Variants in PARD3B observed in about 807,000 individuals in gnomAD.
PARD3B encodes the protein par-3 family cell polarity regulator beta.
In PARD3B, 103 loss-of-function variants were observed where a neutral mutation model predicts 130.2. The ratio of observed to expected loss-of-function variants is 0.79; its 90% CI spans 0.67 to 0.93. The LOEUF (loss-of-function observed/expected upper bound fraction) is 0.93, where lower values mean the gene tolerates loss of function less well. PARD3B is among the 40% of genes least tolerant of loss of function. PARD3B has a pLI of 0.00. For missense variants in PARD3B, 1,609 were observed against 1,499.2 expected, an observed-to-expected ratio of 1.07 and a Z score of -1.21; for synonymous variants, 583 against 553.2, an observed-to-expected ratio of 1.05 and a Z score of -0.76.
intron 3 of PARD3B, among the ~76,000 whole-genome samples, chr2:205,033,529 A>C (rs553541068): frequency 6.6e-6 from 1 of 152,218 alleles, no homozygotes; most frequent in Admixed American, 6.6e-5. Flanking sequence ...TCCACTAGTC[A>C]TTTAGTGCAT....
At position 204,906,759 on chromosome 2, in the gene PARD3B, G is replaced by GT. The variant is rs1453217997; in HGVS notation, c.223-58386dup. Among the ~76,000 whole-genome samples the GT allele has an allele frequency of 3.3e-5, 5 of 151,986 alleles. No homozygotes were observed. In the South Asian group the frequency reaches 6.2e-4, roughly 19 times the overall value. ...CTTTGTAATGTGGTCACCAGGTTGT[G>GT]TTTTTTTCAGGCTTAATTTTATGTT... is the stretch of plus-strand genomic sequence containing the variant. On this transcript the variant is annotated intron_variant, in intron 2 of 22. Transcript: ENST00000406610. This position sits in a 1 kb window ranked among gnomAD's most constrained non-coding sequence, Gnocchi z 4.3.
intron 1 of PARD3B, among the ~76,000 whole-genome samples, chr2:204,612,127 A>G (rs2033951679): frequency 6.6e-6 from 1 of 152,234 alleles, no homozygotes; most frequent in South Asian, 2.1e-4. Context: ...GAGTATGTGC[A>G]GAGAAATACA....
At chr2:204,567,532 A>G (rs2031746086) in intron 1 of PARD3B, among the ~76,000 whole-genome samples, 1 of 152,152 alleles carries the variant, frequency 6.6e-6, no homozygotes, top group African/African-American at 2.4e-5. Context: ...ATGTTGTATC[A>G]TGTTTCAGAA....
intron 16 of PARD3B, among the ~76,000 whole-genome samples, chr2:205,289,256 C>A (rs973946526): frequency 1.3e-5 from 2 of 152,036 alleles, no homozygotes; most frequent in Non-Finnish European, 2.9e-5. Flanking sequence ...AAATTCAGAG[C>A]TAGTAATGAC....
intron 2 of PARD3B, among the ~76,000 whole-genome samples, chr2:204,933,420 G>C (rs766338207): frequency 6.6e-6 from 1 of 152,090 alleles, no homozygotes; most frequent in African/African-American, 2.4e-5. Flanking sequence ...TGGAAATAGA[G>C]GAGTTTTAAC....
chr2:204,569,575 A>G (rs1402217774), intron 1 of PARD3B, among the ~76,000 whole-genome samples: 1 of 152,218 alleles, frequency 6.6e-6, no homozygotes, highest in African/African-American at 2.4e-5. Flanking sequence ...GGTGCTGCCT[A>G]GCATTCTTAG....
chr2:204,831,617 C>G (rs748731123), intron 2 of PARD3B, among the ~76,000 whole-genome samples: 23 of 152,098 alleles, frequency 1.5e-4, no homozygotes, highest in Non-Finnish European at 2.9e-4. Flanking sequence ...ACTCCCAAAC[C>G]AGATCTATTG....
At chr2:205,032,645 T>G (rs1697507207) in intron 3 of PARD3B, among the ~76,000 whole-genome samples, 1 of 152,158 alleles carries the variant, frequency 6.6e-6, no homozygotes, top group African/African-American at 2.4e-5. Context: ...GTTTAAAGTT[T>G]TAGGTGTTAT....
At chr2:205,420,986 C>CA (rs1290001388) in intron 19 of PARD3B, among the ~76,000 whole-genome samples, 2 of 152,118 alleles carry the variant, frequency 1.3e-5, no homozygotes, top group Admixed American at 1.3e-4. Context: ...ACTAAAAATA[C>CA]AAAAATTAGC....
Position 205,265,094 on chromosome 2 carries a change from A to G in PARD3B, c.2185+19272A>G, listed in dbSNP as rs1257413097. Among the ~76,000 whole-genome samples, 4 of 141,672 alleles carry G rather than the reference A, an allele frequency of 2.8e-5. No individual in the cohort carries two copies. The highest frequency in any genetic ancestry group is 4.8e-5 in the Non-Finnish European group (3 of 62,852). 92.9% of individuals were successfully genotyped at this position (141,672 alleles called of 152,430 possible). A position where few individuals can be genotyped will look rare whatever the true frequency, so the allele number is the denominator to read the frequency against. The stretch of plus-strand genomic sequence containing the variant: ...GAAACCGGATAGATGTGGCACCAAT[A>G]GCTTACTTCAAATAAATTAATACTT... On this transcript the variant is annotated intron_variant, in intron 16 of 22. Coordinates refer to ENST00000406610, the MANE Select transcript of PARD3B (RefSeq NM_001302769.2). This position sits in a 1 kb window ranked among gnomAD's most constrained non-coding sequence, Gnocchi z 4.3.
At chr2:204,819,226 A>C (rs1283921579) in intron 2 of PARD3B, among the ~76,000 whole-genome samples, 1 of 152,240 alleles carries the variant, frequency 6.6e-6, no homozygotes, top group African/African-American at 2.4e-5. Context: ...CAAGCCTGTC[A>C]GTGCCATTTG....
In PARD3B at chr2:204,643,115, C is replaced by CAAAAAAAAAAAAAAAAAAAAAAA. The variant is rs71029202; in HGVS notation, c.121-43045_121-43044insAAAAAAAAAAAAAAAAAAAAAAA. On this transcript the variant is annotated intron_variant, in intron 1 of 22. Coordinates refer to ENST00000406610, the MANE Select transcript of PARD3B (RefSeq NM_001302769.2). ...GGCGACAGAGGGAGACTCTGTCTCA[C>CAAAAAAAAAAAAAAAAAAAAAAA]AAAAAAAAAAAAAAAAAAAAATGTT... Among the ~76,000 whole-genome samples, 63 of 31,800 alleles carry CAAAAAAAAAAAAAAAAAAAAAAA rather than the reference C, an allele frequency of 2.0e-3. 11 individuals carry two copies. Among genetic ancestry groups the CAAAAAAAAAAAAAAAAAAAAAAA allele is most frequent in the Non-Finnish European group, 2.8e-3 (48 of 17,066 alleles). 20.9% of individuals were successfully genotyped at this position (31,800 alleles called of 152,430 possible). A position where few individuals can be genotyped will look rare whatever the true frequency, so the allele number is the denominator to read the frequency against.
At chr2:205,138,142 C>T (rs979114878) in intron 10 of PARD3B, among the ~76,000 whole-genome samples, 4 of 152,090 alleles carry the variant, frequency 2.6e-5, no homozygotes, top group Non-Finnish European at 4.4e-5. Context: ...TTTGAATGGT[C>T]GTTTAATTTC....
At chr2:204,625,783 A>G (rs1486132120) in intron 1 of PARD3B, among the ~76,000 whole-genome samples, 49 of 152,304 alleles carry the variant, frequency 3.2e-4, no homozygotes, top group Non-Finnish European at 1.5e-5. Flanking sequence ...CGCTCATTTC[A>G]TAATATTCCA....
chr2:205,368,185 C>G (rs1046713101), intron 18 of PARD3B, among the ~76,000 whole-genome samples: 1 of 152,114 alleles, frequency 6.6e-6, no homozygotes, highest in African/African-American at 2.4e-5. Flanking sequence ...TGGCATGATT[C>G]CAGTGGTGGA....
intron 16 of PARD3B, among the ~76,000 whole-genome samples, chr2:205,254,833 T>G (rs1165248543): frequency 6.6e-6 from 1 of 150,826 alleles, no homozygotes; most frequent in Non-Finnish European, 1.5e-5. Context: ...CCCGGCTAAT[T>G]TTTTGTATTT....
chr2:205,442,290 CTTTTTTTTT>C lies in PARD3B; in HGVS notation c.3044+1636_3044+1644del, dbSNP rs71410814. ...GGTAAGCCACAAGGAACAGGTTTTC[CTTTTTTTTT>C]TTTTTTTTTTTTTTTTTGAGACGGA... On this transcript the variant is annotated intron_variant, in intron 20 of 22. Transcript: ENST00000406610. Among the ~76,000 whole-genome samples the C allele has an allele frequency of 2.8e-5, 3 of 105,994 alleles. No individual in the cohort carries two copies. The Admixed American group carries it at 3.0e-4, about 10-fold the overall frequency. The allele number at this position is 105,994 out of a possible 152,430, so 69.5% of individuals were successfully genotyped here.
chr2:205,222,829 C>G (rs2038313721), intron 15 of PARD3B, among the ~76,000 whole-genome samples: 1 of 149,420 alleles, frequency 6.7e-6, no homozygotes, highest in African/African-American at 2.5e-5. Flanking sequence ...TAGGAGCAAT[C>G]TTGCACAAAT....
chr2:205,583,127 G>A (rs1459215432), intron 22 of PARD3B, among the ~76,000 whole-genome samples: 1 of 152,198 alleles, frequency 6.6e-6, no homozygotes, highest in Non-Finnish European at 1.5e-5. Flanking sequence ...TATGCTCTCC[G>A]TGGATTCTTT....
Sources: allele counts gnomAD v4.1 joint callset (sites outside exome capture counted in the v4.1 genomes callset), GRCh38; gene constraint gnomAD v4.1.1; non-coding constraint Gnocchi (gnomAD v3.1); transcripts MANE v1.5; gene names NCBI Gene and HGNC (gene_info 2026-07-23, HGNC 2026-07-21).